The following VWC2L variants were observed in gnomAD, a reference collection of about 807,000 sequenced individuals.
The protein encoded by VWC2L is von Willebrand factor C domain containing 2 like.
In VWC2L, 10 loss-of-function variants were observed where a neutral mutation model predicts 21.6. That is an observed-to-expected ratio of 0.46 (90% CI 0.29 to 0.78). The LOEUF (loss-of-function observed/expected upper bound fraction) is 0.78. VWC2L is among the 30% of genes least tolerant of loss of function. VWC2L has a pLI of 0.10. For missense variants in VWC2L, 209 were observed against 277.1 expected, an observed-to-expected ratio of 0.75 and a Z score of 1.74; for synonymous variants, 96 against 94.3, an observed-to-expected ratio of 1.02 and a Z score of -0.10.
intron 2 of VWC2L, among the ~76,000 whole-genome samples, chr2:214,417,694 G>A (rs1702378079): frequency 6.6e-6 from 1 of 152,032 alleles, no homozygotes; most frequent in Non-Finnish European, 1.5e-5. Context: ...GGTGGAGAGT[G>A]GATGGAAGGG....
At chr2:214,434,397 A>G (rs1193126787) in intron 2 of VWC2L, among the ~76,000 whole-genome samples, 2 of 152,156 alleles carry the variant, frequency 1.3e-5, no homozygotes, top group African/African-American at 4.8e-5. Flanking sequence ...ACATTTGTAG[A>G]AAGTTAAAAA....
intron 3 of VWC2L, among the ~76,000 whole-genome samples, chr2:214,519,005 G>A (rs1689189139): frequency 1.3e-5 from 2 of 152,098 alleles, no homozygotes; most frequent in Admixed American, 6.6e-5. Flanking sequence ...GACCTATGGG[G>A]AAAAGACTTG....
intron 3 of VWC2L, among the ~76,000 whole-genome samples, chr2:214,530,806 C>T (rs1281406677): frequency 6.6e-6 from 1 of 152,116 alleles, no homozygotes; most frequent in Non-Finnish European, 1.5e-5. Flanking sequence ...ATAAGCAAAG[C>T]TCATTACTAA....
chr2:214,429,348 G>C (rs922468000), intron 2 of VWC2L, among the ~76,000 whole-genome samples: 2 of 152,154 alleles, frequency 1.3e-5, no homozygotes, highest in Non-Finnish European at 2.9e-5. Flanking sequence ...GTCAGTGAAG[G>C]ACTAAGGACG....
At chr2:214,474,053 GA>G (rs1688460181) in intron 3 of VWC2L, among the ~76,000 whole-genome samples, 1 of 151,898 alleles carries the variant, frequency 6.6e-6, no homozygotes, top group Non-Finnish European at 1.5e-5. Flanking sequence ...TTTTATCCAT[GA>G]AAGAAAGGAA....
chr2:214,558,057 G>C (rs956453683), intron 3 of VWC2L, among the ~76,000 whole-genome samples: 6 of 152,182 alleles, frequency 3.9e-5, no homozygotes, highest in African/African-American at 1.4e-4. Context: ...GTCAAGCAAG[G>C]TCACCAAGGA....
At chr2:214,539,409 G>C (rs1166444122) in intron 3 of VWC2L, among the ~76,000 whole-genome samples, 1 of 152,142 alleles carries the variant, frequency 6.6e-6, no homozygotes, top group African/African-American at 2.4e-5. Flanking sequence ...TTAGTTGACT[G>C]TCAGTATAGT....
chr2:214,510,952 A>T (rs926046443), intron 3 of VWC2L, among the ~76,000 whole-genome samples: 1 of 152,218 alleles, frequency 6.6e-6, no homozygotes, highest in Non-Finnish European at 1.5e-5. Context: ...ATTACAATGA[A>T]TGTATCCACC....
chr2:214,483,114 T>C (rs369839768), intron 3 of VWC2L, among the ~76,000 whole-genome samples: 4 of 152,200 alleles, frequency 2.6e-5, no homozygotes, highest in East Asian at 3.9e-4. Context: ...TCTAATTGAC[T>C]GGTTGTTTAG....
chr2:214,473,911 T>G (rs1703346222), intron 3 of VWC2L: 1 of 152,182 alleles, frequency 6.6e-6, no homozygotes, highest in Admixed American at 6.5e-5. Flanking sequence ...TATGCAAAGT[T>G]AAATGGTCAT....
intron 3 of VWC2L, among the ~76,000 whole-genome samples, chr2:214,516,656 T>TAA (rs11344455): frequency 7.0e-6 from 1 of 143,574 alleles, no homozygotes; most frequent in African/African-American, 2.6e-5. Flanking sequence ...CTTTTGAAAT[T>TAA]AAAAAAAAAA....
chr2:214,524,074 A>G (rs1689288572), intron 3 of VWC2L, among the ~76,000 whole-genome samples: 1 of 152,214 alleles, frequency 6.6e-6, no homozygotes. Context: ...AAAATTTTAA[A>G]AAGAAAAATT....
At chr2:214,504,946 A>G (rs954223222) in intron 3 of VWC2L, among the ~76,000 whole-genome samples, 16 of 152,200 alleles carry the variant, frequency 1.1e-4, no homozygotes, top group African/African-American at 3.6e-4. Flanking sequence ...TGCTCTCCTA[A>G]AATCCCAAAA....
At chr2:214,444,088 A>G (rs1255134411) in intron 3 of VWC2L, among the ~76,000 whole-genome samples, 1 of 152,092 alleles carries the variant, frequency 6.6e-6, no homozygotes, top group Non-Finnish European at 1.5e-5. Context: ...CTAGTGAATG[A>G]TGCAGAGGTA....
At chr2:214,523,825 ACT>A (rs1307074298) in intron 3 of VWC2L, among the ~76,000 whole-genome samples, 2 of 152,206 alleles carry the variant, frequency 1.3e-5, no homozygotes, top group African/African-American at 2.4e-5. Flanking sequence ...ACAAAGCAAG[ACT>A]CTGTCTCAAA....
chr2:214,504,798 GT>G (rs1688944924), intron 3 of VWC2L, among the ~76,000 whole-genome samples: 1 of 152,150 alleles, frequency 6.6e-6, no homozygotes, highest in African/African-American at 2.4e-5. Context: ...GCCTGGAGAT[GT>G]GATTCCCATT....
chr2:214,498,469 C>T (rs1374531639), intron 3 of VWC2L, among the ~76,000 whole-genome samples: 1 of 152,020 alleles, frequency 6.6e-6, no homozygotes, highest in Non-Finnish European at 1.5e-5. Context: ...TCTAGGTATG[C>T]TTGAATCCTC....
intron 3 of VWC2L, among the ~76,000 whole-genome samples, chr2:214,476,025 TTAAA>T (rs1386107942): frequency 1.4e-4 from 22 of 152,310 alleles, no homozygotes; most frequent in African/African-American, 5.3e-4. Context: ...AATAAAGCAG[TTAAA>T]TAAATGTGTT....
chr2:214,575,606 T>A (rs1447047577), intron 3 of VWC2L, 66 bp from the exon 4 acceptor site: 2 of 1,578,148 alleles, frequency 1.3e-6, no homozygotes, highest in African/African-American at 2.7e-5. Context: ...GGCTTGGGTT[T>A]GGATGGTGGG....
Sources: gnomAD v4.1 joint callset for allele counts (sites outside exome capture counted in the v4.1 genomes callset) on GRCh38, gnomAD v4.1.1 for gene constraint, MANE v1.5 for transcripts, NCBI Gene and HGNC (gene_info 2026-07-23, HGNC 2026-07-21) for gene names.